Variants in SOX5 observed in about 807,000 individuals in gnomAD.
SOX5 encodes the protein transcription factor SOX-5.
SOX5 carries 9 observed loss-of-function variants against 92.0 expected under a neutral mutation model. The ratio of observed to expected loss-of-function variants is 0.10; its 90% CI spans 0.06 to 0.17. The LOEUF is 0.17. SOX5 is among the 10% of genes least tolerant of loss of function. SOX5 has a pLI of 1.00. For missense variants in SOX5, 642 were observed against 944.5 expected (o/e 0.68, Z 4.20); for synonymous variants, 344 against 336.3 (o/e 1.02, Z -0.25).
At chr12:23,616,411 G>A (rs763365188) in intron 8 of SOX5, among the ~76,000 whole-genome samples, 23 of 152,338 alleles carry the variant, frequency 1.5e-4, no homozygotes, top group Non-Finnish European at 2.9e-4. Context: ...TTGGGGAAAG[G>A]TGCCTAGAGG....
intron 8 of SOX5, among the ~76,000 whole-genome samples, chr12:23,635,052 AT>A (rs998709654): frequency 6.6e-6 from 1 of 152,200 alleles, no homozygotes; most frequent in African/African-American, 2.4e-5. Flanking sequence ...AGAAAGTATG[AT>A]TTAAAACATT....
chr12:24,274,424 C>A lies in SOX5; in HGVS notation c.-77+2792G>T, dbSNP rs539142370. On this transcript the variant is annotated intron_variant, in intron 3 of 4. Coordinates refer to the SOX5 transcript ENST00000446891. ...TCTATTTTGCTTAATGAACTTTAAA[C>A]ACTAGTCACACCAGTGTCCACATAG... is the stretch of plus-strand genomic sequence containing the variant. 3.0e-4 allele frequency among the ~76,000 whole-genome samples: 45 copies of A among 152,284 alleles called. No homozygotes were observed. The South Asian group carries it at 7.5e-3, about 25-fold the overall frequency.
At chr12:23,872,620 A>G (rs2096887370) in intron 2 of SOX5, among the ~76,000 whole-genome samples, 1 of 152,206 alleles carries the variant, frequency 6.6e-6, no homozygotes, top group Non-Finnish European at 1.5e-5. Context: ...TTGTTTTCCC[A>G]TGATTTTCTT....
chr12:23,746,324 C>T (rs748471651), intron 4 of SOX5, among the ~76,000 whole-genome samples: 3 of 152,080 alleles, frequency 2.0e-5, no homozygotes, highest in Non-Finnish European at 4.4e-5. Context: ...AGGAGCTACT[C>T]TTTATTCACC....
At chr12:23,672,314 C>T (rs980951809) in intron 6 of SOX5, among the ~76,000 whole-genome samples, 1 of 152,252 alleles carries the variant, frequency 6.6e-6, no homozygotes, top group South Asian at 2.1e-4. Context: ...ACTGACTGCT[C>T]TGCAGAAGCA....
intron 6 of SOX5, among the ~76,000 whole-genome samples, chr12:23,723,754 A>C (rs2092960355): frequency 6.6e-6 from 1 of 151,954 alleles, no homozygotes; most frequent in Non-Finnish European, 1.5e-5. Context: ...CACAGAAATT[A>C]ATATAATCTG....
intron 3 of SOX5, among the ~76,000 whole-genome samples, chr12:24,237,426 G>A (rs1964727593): frequency 6.6e-6 from 1 of 152,134 alleles, no homozygotes; most frequent in African/African-American, 2.4e-5. Flanking sequence ...CGTTAATAAT[G>A]TAAGCTTTAT....
intron 4 of SOX5, among the ~76,000 whole-genome samples, chr12:24,096,089 T>G (rs1945376503): frequency 6.6e-6 from 1 of 152,112 alleles, no homozygotes; most frequent in African/African-American, 2.4e-5. Context: ...TTTTACTTTT[T>G]GTTTTTTCAT....
chr12:23,962,593 A>G (rs4347474), intron 4 of SOX5, among the ~76,000 whole-genome samples: 1 of 152,210 alleles, frequency 6.6e-6, no homozygotes, highest in Middle Eastern at 3.4e-3. Flanking sequence ...ACATAACGGA[A>G]CTCTTTATTA....
At chr12:24,530,715 C>A (rs1281293116) in intron 1 of SOX5, among the ~76,000 whole-genome samples, 1 of 150,664 alleles carries the variant, frequency 6.6e-6, no homozygotes, top group East Asian at 1.9e-4. Flanking sequence ...TGCACTCCAG[C>A]CTGAGTGACA....
chr12:24,011,059 C>T (rs1311847059), intron 4 of SOX5, among the ~76,000 whole-genome samples: 1 of 151,948 alleles, frequency 6.6e-6, no homozygotes, highest in Admixed American at 6.6e-5. Flanking sequence ...TTAAGAAGTA[C>T]ATATTGGAAA....
intron 3 of SOX5, among the ~76,000 whole-genome samples, chr12:23,758,594 C>T (rs976412258): frequency 2.6e-5 from 4 of 151,988 alleles, no homozygotes; most frequent in Non-Finnish European, 5.9e-5. Flanking sequence ...GTTATCATGA[C>T]TTGCCCAATG....
intron 2 of SOX5, among the ~76,000 whole-genome samples, chr12:23,865,777 T>C (rs767365726): frequency 6.6e-6 from 1 of 152,306 alleles, no homozygotes; most frequent in Middle Eastern, 3.4e-3. Context: ...TCTGGAAAGG[T>C]TTCATCATTA....
rs555112301 is a variant in SOX5 at position 23,845,401 on chromosome 12, T to C, written c.481+582A>G. Among the ~76,000 whole-genome samples, 95 of 152,320 alleles carry C rather than the reference T, an allele frequency of 6.2e-4. No homozygotes were observed. The South Asian group carries it at 0.013, about 21-fold the overall frequency. On this transcript the variant is annotated intron_variant, in intron 3 of 14. Coordinates refer to ENST00000451604, the MANE Select transcript of SOX5 (RefSeq NM_006940.6). ...TAATTTTAAGATTAGTCCATTTGCCTATCACCTGAAGGTTCCTATCAGGAA... is the reference window on the plus strand; with the variant it reads ...TAATTTTAAGATTAGTCCATTTGCCCATCACCTGAAGGTTCCTATCAGGAA...
At chr12:24,079,223 G>A (rs11831634) in intron 4 of SOX5, among the ~76,000 whole-genome samples, 39,102 of 150,696 alleles carry the variant, frequency 0.26, 5,240 homozygotes, top group Middle Eastern at 0.47. Context: ...CAGAATTTAC[G>A]CAATATTTTC....
chr12:24,415,421 TG>T (rs1338262525), intron 1 of SOX5, among the ~76,000 whole-genome samples: 8 of 152,266 alleles, frequency 5.3e-5, no homozygotes, highest in South Asian at 2.1e-4. Flanking sequence ...AATATTTTAA[TG>T]TTTTTTTTAT....
chr12:23,793,018 T>A (rs1033987121), intron 3 of SOX5, among the ~76,000 whole-genome samples: 4 of 152,090 alleles, frequency 2.6e-5, no homozygotes, highest in Non-Finnish European at 4.4e-5. Context: ...AGACAAAAAA[T>A]TTCAAGGATA....
intron 1 of SOX5, among the ~76,000 whole-genome samples, chr12:23,913,719 A>G (rs2097378304): frequency 6.6e-6 from 1 of 151,100 alleles, no homozygotes. Flanking sequence ...CTGGGCAACA[A>G]GAGCAAAACT....
At chr12:23,889,134 A>G (rs1235276693) in intron 2 of SOX5, among the ~76,000 whole-genome samples, 1 of 152,232 alleles carries the variant, frequency 6.6e-6, no homozygotes, top group East Asian at 1.9e-4. Context: ...TGTTCAGAGT[A>G]TAGGAGAATG....
Sources: allele counts gnomAD v4.1 joint callset (sites outside exome capture counted in the v4.1 genomes callset), GRCh38; gene constraint gnomAD v4.1.1; transcripts MANE v1.5; gene names NCBI Gene and HGNC (gene_info 2026-07-23, HGNC 2026-07-21).